Variants in PRKG1 observed in about 807,000 individuals in gnomAD.
PRKG1 encodes protein kinase cGMP-dependent 1, also known as cGMP-dependent protein kinase 1.
Under a neutral mutation model 88.1 loss-of-function variants are expected in PRKG1, and 35 were observed. That is an observed-to-expected ratio of 0.40 (90% CI 0.30 to 0.53). PRKG1 has a LOEUF of 0.53. Ranked by LOEUF, PRKG1 falls within the 20% of genes least tolerant of loss-of-function variation. PRKG1 has a pLI of 0.59. For synonymous variants in PRKG1, 303 were observed against 292.5 expected, an observed-to-expected ratio of 1.04 and a Z score of -0.37; for missense variants, 540 against 839.8, an observed-to-expected ratio of 0.64 and a Z score of 4.41.
intron 7 of PRKG1, among the ~76,000 whole-genome samples, chr10:52,072,330 CCAAAA>C (rs1259239152): frequency 1.3e-5 from 2 of 151,462 alleles, no homozygotes; most frequent in Non-Finnish European, 2.9e-5. Context: ...TTGTGGCTGT[CCAAAA>C]CAAAACAAAA....
intron 8 of PRKG1, among the ~76,000 whole-genome samples, chr10:52,158,119 T>C (rs1838176055): frequency 6.6e-6 from 1 of 151,882 alleles, no homozygotes; most frequent in East Asian, 1.9e-4. Flanking sequence ...TGTAGAAATT[T>C]GGTATTTTAT....
chr10:51,930,165 A>G (rs55733350), intron 5 of PRKG1, among the ~76,000 whole-genome samples: 4,113 of 152,286 alleles, frequency 0.027, 198 homozygotes, highest in African/African-American at 0.094. Flanking sequence ...GATTCCACTT[A>G]TGTGAGGCAT....
intron 2 of PRKG1, among the ~76,000 whole-genome samples, chr10:51,163,622 G>A (rs912419245): frequency 6.6e-6 from 1 of 152,166 alleles, no homozygotes; most frequent in African/African-American, 2.4e-5. Flanking sequence ...GCAAGGGGTC[G>A]GGGAGTTCCC....
At chr10:51,091,754 T>C (rs1844402615) in intron 1 of PRKG1, among the ~76,000 whole-genome samples, 1 of 152,146 alleles carries the variant, frequency 6.6e-6, no homozygotes, top group African/African-American at 2.4e-5. Flanking sequence ...ATAGAATACT[T>C]ACGGTGTGCA....
At chr10:52,277,917 T>A (rs1246094740) in intron 12 of PRKG1, among the ~76,000 whole-genome samples, 1 of 152,152 alleles carries the variant, frequency 6.6e-6, no homozygotes, top group East Asian at 1.9e-4. Context: ...GAGTCACAAC[T>A]GTAGAAATAA....
chr10:51,735,875 ATATATGTATATTTATT>A (rs1368278288), intron 3 of PRKG1, among the ~76,000 whole-genome samples: 931 of 59,508 alleles, frequency 0.016, 9 homozygotes, highest in African/African-American at 0.063. Flanking sequence ...ATATATATAT[ATATATGTATATTTATT>A]TATTTATTTA....
In PRKG1 at chr10:51,088,392, GT is replaced by G. The variant is rs35801594; in HGVS notation, c.311+13507del. Among the ~76,000 whole-genome samples the G allele has an allele frequency of 2.7e-3, 376 of 138,400 alleles. 2 individuals carry two copies. The highest frequency in any genetic ancestry group is 5.7e-3 in the African/African-American group (215 of 37,734). 90.8% of individuals were successfully genotyped at this position (138,400 alleles called of 152,430 possible). ...AAAAATTTCTATGGATTGGTTTTCA[GT>G]TTTTTTTTTTTTTTTGGTTCAATCA... On this transcript the variant is annotated intron_variant, in intron 1 of 17. Transcript: ENST00000373980.
chr10:51,086,197 G>A (rs1367010321), intron 1 of PRKG1, among the ~76,000 whole-genome samples: 2 of 152,156 alleles, frequency 1.3e-5, no homozygotes, highest in African/African-American at 4.8e-5. Flanking sequence ...AATAAAATAA[G>A]CTCACTGTGA....
At chr10:51,568,034 A>G (rs1378973768) in intron 3 of PRKG1, among the ~76,000 whole-genome samples, 1 of 152,064 alleles carries the variant, frequency 6.6e-6, no homozygotes, top group Non-Finnish European at 1.5e-5. Context: ...CATGGAAAAA[A>G]TGTCAATGGC....
At chr10:51,527,067 T>A (rs999766571) in intron 3 of PRKG1, among the ~76,000 whole-genome samples, 1 of 152,310 alleles carries the variant, frequency 6.6e-6, no homozygotes, top group African/African-American at 2.4e-5. Flanking sequence ...TGAAGAAACG[T>A]GGCTGTGTTC....
chr10:51,063,517 G>T (rs2132786431), intron 1 of PRKG1, among the ~76,000 whole-genome samples: 1 of 152,192 alleles, frequency 6.6e-6, no homozygotes, highest in Non-Finnish European at 1.5e-5. Context: ...TGGTATAAAA[G>T]ATAAAAAAGG....
intron 2 of PRKG1, among the ~76,000 whole-genome samples, chr10:51,373,873 G>A (rs1028266583): frequency 2.0e-5 from 3 of 151,480 alleles, no homozygotes; most frequent in Admixed American, 6.6e-5. Flanking sequence ...GCTGGGCATG[G>A]TGGCTCACGC....
At chr10:51,973,500 G>T (rs1182399358) in intron 5 of PRKG1, among the ~76,000 whole-genome samples, 4 of 152,078 alleles carry the variant, frequency 2.6e-5, no homozygotes, top group Non-Finnish European at 5.9e-5. Context: ...TGAAGAAACT[G>T]CTTTCTGACT....
intron 5 of PRKG1, among the ~76,000 whole-genome samples, chr10:51,936,057 A>G (rs1405843475): frequency 2.0e-5 from 3 of 151,804 alleles, no homozygotes; most frequent in Admixed American, 6.6e-5. Context: ...GAATGGCAAT[A>G]TTTGTTCAAG....
intron 2 of PRKG1, among the ~76,000 whole-genome samples, chr10:51,252,403 TAGAG>T (rs1839450264): frequency 6.6e-6 from 1 of 151,846 alleles, no homozygotes; most frequent in Admixed American, 6.6e-5. Flanking sequence ...TTTTTTATAA[TAGAG>T]AGCTCAAAGT....
At chr10:51,904,280 A>G (rs1402379797) in intron 4 of PRKG1, among the ~76,000 whole-genome samples, 3 of 152,016 alleles carry the variant, frequency 2.0e-5, no homozygotes, top group Non-Finnish European at 4.4e-5. Context: ...ATGTTTAAAC[A>G]TTTTATCTGG....
At chr10:51,016,614 T>C (rs1188026684) in intron 1 of PRKG1, among the ~76,000 whole-genome samples, 1 of 151,014 alleles carries the variant, frequency 6.6e-6, no homozygotes, top group Non-Finnish European at 1.5e-5. Context: ...TGCAGTTTTA[T>C]ATTATTTCAT....
rs780550609 is a variant in PRKG1 at position 52,122,711 on chromosome 10, A to G, written c.936-11129A>G. On this transcript the variant is annotated intron_variant, in intron 7 of 17. Transcript: ENST00000373980. ...GAAGCAAAAGTACAGAGTAAATACC[A>G]TTTGTACCCTAACAAGAAAGAAACT... Among the ~76,000 whole-genome samples, 136 of 152,324 alleles carry G rather than the reference A, an allele frequency of 8.9e-4. 1 individual carries two copies. The highest frequency in any genetic ancestry group is 3.9e-3 in the Admixed American group (60 of 15,304).
intron 2 of PRKG1, among the ~76,000 whole-genome samples, chr10:51,158,780 G>T (rs978391619): frequency 1.3e-5 from 2 of 151,836 alleles, no homozygotes; most frequent in African/African-American, 2.4e-5. Flanking sequence ...GCAATCAATA[G>T]CATTGATTTT....
Sources: gnomAD v4.1 joint callset for allele counts (sites outside exome capture counted in the v4.1 genomes callset) on GRCh38, gnomAD v4.1.1 for gene constraint, MANE v1.5 for transcripts, NCBI Gene and HGNC (gene_info 2026-07-23, HGNC 2026-07-21) for gene names.